CTNNA2: variants seen among roughly 807,000 people sequenced by gnomAD.
CTNNA2 encodes the protein catenin alpha 2.
CTNNA2 carries 42 observed loss-of-function variants against 101.0 expected under a neutral mutation model. That is an observed-to-expected ratio of 0.42 (90% CI 0.32 to 0.54). The LOEUF (loss-of-function observed/expected upper bound fraction) is 0.54, where lower values mean the gene tolerates loss of function less well. Ranked by LOEUF, CTNNA2 falls within the 20% of genes least tolerant of loss-of-function variation. The probability of loss-of-function intolerance (pLI) is 0.14; values close to 1 mark genes in which losing one functional copy is unlikely to be tolerated. For missense variants in CTNNA2, 871 were observed against 1,223.1 expected (o/e 0.71, Z 4.29); for synonymous variants, 450 against 456.4 (o/e 0.99, Z 0.18).
chr2:80,492,509 G>A (rs1234703346), intron 9 of CTNNA2, among the ~76,000 whole-genome samples: 1 of 152,116 alleles, frequency 6.6e-6, no homozygotes, highest in African/African-American at 2.4e-5. Flanking sequence ...ACTGTTACTC[G>A]AAATGGCTTT....
At chr2:80,250,564 G>A (rs958821531) in intron 7 of CTNNA2, among the ~76,000 whole-genome samples, 2 of 152,036 alleles carry the variant, frequency 1.3e-5, no homozygotes, top group East Asian at 1.9e-4. Context: ...TGGAGCAGAG[G>A]GTTCCAGGAA....
intron 2 of CTNNA2, chr2:79,687,432 C>T (rs1389750107): frequency 6.1e-6 from 3 of 491,860 alleles, no homozygotes; most frequent in Non-Finnish European, 1.1e-5. Context: ...CATAAAAGGT[C>T]ATTTGGATCT....
intron 4 of CTNNA2, among the ~76,000 whole-genome samples, chr2:79,466,090 C>T (rs1056920963): frequency 3.9e-5 from 6 of 152,308 alleles, no homozygotes; most frequent in South Asian, 2.1e-4. Flanking sequence ...GGCGAGGCAT[C>T]GCCTCACCCA....
At chr2:79,279,461 C>T (rs571883367) in intron 2 of CTNNA2, among the ~76,000 whole-genome samples, 159 of 152,186 alleles carry the variant, frequency 1.0e-3, no homozygotes, top group African/African-American at 3.6e-3. Context: ...AGGTAGTTTT[C>T]GTCCATGCCC....
intron 1 of CTNNA2, among the ~76,000 whole-genome samples, chr2:79,576,080 G>T (rs1675776672): frequency 6.6e-6 from 1 of 152,050 alleles, no homozygotes. Flanking sequence ...ACTTACTTAT[G>T]AATGACTTTG....
At chr2:79,774,147 C>T (rs115512704) in intron 3 of CTNNA2, among the ~76,000 whole-genome samples, 2,751 of 152,266 alleles carry the variant, frequency 0.018, 36 homozygotes, top group Non-Finnish European at 0.025. Flanking sequence ...GCACCCGGGC[C>T]TCAAGAGACT....
intron 1 of CTNNA2, among the ~76,000 whole-genome samples, chr2:79,535,378 G>A (rs1369755777): frequency 1.3e-5 from 2 of 151,756 alleles, no homozygotes; most frequent in Non-Finnish European, 2.9e-5. Context: ...CTAATTTTTT[G>A]TATTTTTAGT....
At position 79,816,961 on chromosome 2, in the gene CTNNA2, AT is replaced by A. The variant is rs1431296536; in HGVS notation, c.299-41050del. ...CTCCTCATGATTCCCCATTTCAGTC[AT>A]TAAATAAACCTGCCAATCATTGGCA... On this transcript the variant is annotated intron_variant, in intron 3 of 18. Transcript: ENST00000402739. 2.7e-4 allele frequency among the ~76,000 whole-genome samples: 41 copies of A among 152,260 alleles called. 1 individual carries two copies. Among genetic ancestry groups the A allele is most frequent in the Non-Finnish European group, 8.8e-5 (6 of 68,024 alleles).
At chr2:80,369,230 T>C (rs892497767) in intron 7 of CTNNA2, among the ~76,000 whole-genome samples, 9 of 152,094 alleles carry the variant, frequency 5.9e-5, no homozygotes, top group Admixed American at 2.6e-4. Flanking sequence ...ACGTTTTAGG[T>C]TATTTTGCCA....
chr2:80,346,099 T>G (rs546665384), intron 7 of CTNNA2, among the ~76,000 whole-genome samples: 1 of 152,152 alleles, frequency 6.6e-6, no homozygotes, highest in South Asian at 2.1e-4. Flanking sequence ...GATCTGTTTA[T>G]TTATTTTGTT....
intron 4 of CTNNA2, among the ~76,000 whole-genome samples, chr2:79,444,571 T>G (rs1678811734): frequency 6.6e-6 from 1 of 152,092 alleles, no homozygotes; most frequent in African/African-American, 2.4e-5. Context: ...CTGTCTGCCT[T>G]TCCTTCCCTG....
intron 4 of CTNNA2, among the ~76,000 whole-genome samples, chr2:79,431,357 A>G (rs899933760): frequency 2.0e-5 from 3 of 152,184 alleles, no homozygotes; most frequent in Non-Finnish European, 4.4e-5. Flanking sequence ...TTAGTGACAT[A>G]CAACAGCAAA....
intron 2 of CTNNA2, among the ~76,000 whole-genome samples, chr2:79,256,109 G>T (rs569673941): frequency 6.6e-6 from 1 of 152,216 alleles, no homozygotes; most frequent in African/African-American, 2.4e-5. Context: ...CAACTACCAC[G>T]TCAGCTCTTA....
intron 7 of CTNNA2, among the ~76,000 whole-genome samples, chr2:80,185,269 G>C (rs1373103009): frequency 6.6e-6 from 1 of 152,186 alleles, no homozygotes; most frequent in Non-Finnish European, 1.5e-5. Flanking sequence ...CTGTAGGTCA[G>C]CTCGCAACAT....
chr2:80,153,671 G>A (rs967483952), intron 7 of CTNNA2, among the ~76,000 whole-genome samples: 1 of 152,186 alleles, frequency 6.6e-6, no homozygotes, highest in African/African-American at 2.4e-5. Flanking sequence ...GGTAGAAAGA[G>A]CAGATGATGT....
chr2:79,419,610 T>G (rs2104500573), intron 4 of CTNNA2, among the ~76,000 whole-genome samples: 1 of 152,274 alleles, frequency 6.6e-6, no homozygotes, highest in East Asian at 1.9e-4. Flanking sequence ...AATTTTGAGT[T>G]TAGATATAAA....
intron 12 of CTNNA2, among the ~76,000 whole-genome samples, chr2:80,558,882 A>G (rs1255765319): frequency 1.3e-5 from 2 of 152,126 alleles, no homozygotes; most frequent in African/African-American, 4.8e-5. Context: ...ATTCTGTGCC[A>G]TTAGATTCAA....
intron 9 of CTNNA2, among the ~76,000 whole-genome samples, chr2:80,424,793 G>C (rs1021768297): frequency 1.3e-5 from 2 of 152,094 alleles, no homozygotes; most frequent in Admixed American, 1.3e-4. Context: ...TTGCTTTTTG[G>C]ATGGTCTCAA....
intron 7 of CTNNA2, among the ~76,000 whole-genome samples, chr2:80,234,403 C>T (rs533814838): frequency 6.6e-6 from 1 of 152,182 alleles, no homozygotes; most frequent in Non-Finnish European, 1.5e-5. Context: ...CACCCTAACA[C>T]CTCTAATTCT....
Sources: gnomAD v4.1 joint callset for allele counts (sites outside exome capture counted in the v4.1 genomes callset) on GRCh38, gnomAD v4.1.1 for gene constraint, MANE v1.5 for transcripts, NCBI Gene and HGNC (gene_info 2026-07-23, HGNC 2026-07-21) for gene names.